MYO5B: variants seen among roughly 807,000 people sequenced by gnomAD.
The protein encoded by MYO5B is unconventional myosin-Vb.
MYO5B carries 143 observed loss-of-function variants against 229.3 expected under a neutral mutation model. The ratio of observed to expected loss-of-function variants is 0.62; its 90% CI spans 0.54 to 0.72. The LOEUF (loss-of-function observed/expected upper bound fraction) is 0.72, where lower values mean the gene tolerates loss of function less well. Ranked by LOEUF, MYO5B falls within the 30% of genes least tolerant of loss-of-function variation. The probability of loss-of-function intolerance (pLI) is 0.00; values close to 1 mark genes in which losing one functional copy is unlikely to be tolerated. For missense variants in MYO5B, 2,321 were observed against 2,331.0 expected (o/e 1.00, Z 0.09); for synonymous variants, 918 against 885.2 (o/e 1.04, Z -0.66).
Position 49,980,470 on chromosome 18 carries a change from G to A in MYO5B, c.1030C>T (p.Arg344Cys), listed in dbSNP as rs777672829. 41 of 1,612,950 alleles carry A rather than the reference G, an allele frequency of 2.5e-5. No individual in the cohort carries two copies. The highest frequency in any genetic ancestry group is 3.3e-5 in the Non-Finnish European group (39 of 1,179,206). The change falls in exon 9 of 40, where the codon CGT (arginine) becomes TGT (cysteine). Residue 344 changes from arginine (R) to cysteine (C), a missense_variant. By Grantham distance (180) the Arg-to-Cys change is radical. Coordinates refer to ENST00000285039, the MANE Select transcript of MYO5B (RefSeq NM_001080467.3). ...HLGSVAIQAERDGDSCSISPQ... is the reference protein window; with the variant it reads ...HLGSVAIQAECDGDSCSISPQ... The stretch of plus-strand genomic sequence containing the variant: ...GATATACTACAGGAATCACCATCAC[G>A]CTCAGCCTGAATCGCCACACTTCCA...
chr18:49,988,040 G>T (rs987628982), intron 7 of MYO5B, among the ~76,000 whole-genome samples: 11 of 152,188 alleles, frequency 7.2e-5, no homozygotes, highest in African/African-American at 2.7e-4. Context: ...CAACAATGGG[G>T]CAGAAGAGTG....
chr18:49,866,636 T>C (rs1422357693), intron 27 of MYO5B, among the ~76,000 whole-genome samples: 1 of 152,230 alleles, frequency 6.6e-6, no homozygotes, highest in Non-Finnish European at 1.5e-5. Context: ...CCAAATGCTA[T>C]GCCATTCCAG....
intron 2 of MYO5B, among the ~76,000 whole-genome samples, chr18:50,054,039 G>C (rs2030476475): frequency 6.6e-6 from 1 of 152,120 alleles, no homozygotes; most frequent in African/African-American, 2.4e-5. Context: ...AACTACCTCT[G>C]CCTGCATCCT....
chr18:49,983,442 C>T (rs969404718), intron 8 of MYO5B, among the ~76,000 whole-genome samples: 5 of 152,206 alleles, frequency 3.3e-5, no homozygotes, highest in Non-Finnish European at 5.9e-5. Context: ...TTGTACAAAA[C>T]AGCTCTGGCC....
At chr18:49,924,316 C>G (rs577562529) in intron 17 of MYO5B, among the ~76,000 whole-genome samples, 12 of 152,310 alleles carry the variant, frequency 7.9e-5, no homozygotes, top group African/African-American at 2.9e-4. Context: ...GCTGAGAACT[C>G]TAGATACATT....
chr18:50,093,818 C>T (rs2144492128), intron 1 of MYO5B, among the ~76,000 whole-genome samples: 1 of 152,128 alleles, frequency 6.6e-6, no homozygotes, highest in African/African-American at 2.4e-5. Context: ...AGTGCCATGA[C>T]AATTTACAAA....
chr18:50,098,454 G>A (rs903509950), intron 1 of MYO5B, among the ~76,000 whole-genome samples: 2 of 152,102 alleles, frequency 1.3e-5, no homozygotes, highest in African/African-American at 4.8e-5. Flanking sequence ...ATATCTACTG[G>A]TTACTAGGCT....
intron 4 of MYO5B, among the ~76,000 whole-genome samples, chr18:50,009,306 A>T (rs2026137020): frequency 6.6e-6 from 1 of 152,160 alleles, no homozygotes; most frequent in Non-Finnish European, 1.5e-5. Context: ...TGAGCCCGGG[A>T]GGCGGAGGTT....
Position 50,120,976 on chromosome 18 carries a change from C to G in MYO5B, c.28-65598G>C, listed in dbSNP as rs533918974. Among the ~76,000 whole-genome samples, 7 of 152,316 alleles carry G rather than the reference C, an allele frequency of 4.6e-5. No homozygotes were observed. The South Asian group carries it at 1.5e-3, about 32-fold the overall frequency. On this transcript the variant is annotated intron_variant, in intron 1 of 39. Coordinates refer to ENST00000285039, the MANE Select transcript of MYO5B (RefSeq NM_001080467.3). ...CTTCTATCCACCTCCAGCCTGCCCT[C>G]CAGCCCGGGAGTCAGCAAGACCAGC...
At chr18:50,164,570 A>G (rs1163802335) in intron 1 of MYO5B, among the ~76,000 whole-genome samples, 1 of 116,902 alleles carries the variant, frequency 8.6e-6, no homozygotes, top group Non-Finnish European at 1.8e-5. Flanking sequence ...ATTTAATTAA[A>G]AAGAAATTTT....
intron 32 of MYO5B, among the ~76,000 whole-genome samples, chr18:49,849,235 T>C (rs531534786): frequency 2.0e-5 from 3 of 152,288 alleles, no homozygotes; most frequent in African/African-American, 7.2e-5. Context: ...CACAGCATTC[T>C]TTCACATCAA....
At chr18:49,962,146 T>A in intron 12 of MYO5B, 120 bp downstream of exon 12, 1 of 1,342,568 alleles carries the variant, frequency 7.4e-7, no homozygotes, top group Non-Finnish European at 1.1e-6. Flanking sequence ...TGCCAACGCT[T>A]CTTCCAGCAC....
chr18:49,906,336 A>T, intron 19 of MYO5B, 83 bp downstream of exon 19: 1 of 1,373,120 alleles, frequency 7.3e-7, no homozygotes, highest in African/African-American at 1.4e-5. Flanking sequence ...ACAGAGGAAG[A>T]GAGAAGCCAA....
chr18:49,915,374 C>T (rs1006943090), intron 17 of MYO5B, among the ~76,000 whole-genome samples: 9 of 152,188 alleles, frequency 5.9e-5, no homozygotes, highest in Non-Finnish European at 1.0e-4. Context: ...CCATGTGTCA[C>T]GCACGTAGTG....
At chr18:49,957,965 TA>T (rs2025515221) in intron 12 of MYO5B, among the ~76,000 whole-genome samples, 1 of 152,140 alleles carries the variant, frequency 6.6e-6, no homozygotes. Context: ...CACTGCTCTC[TA>T]GAATGGAGGC....
Position 49,826,607 on chromosome 18 carries a change from C to G in MYO5B, c.5411G>C (p.Arg1804Pro), listed in dbSNP as rs201080553. The G allele has an allele frequency of 2.4e-5, 39 of 1,613,334 alleles. No homozygotes were observed. The highest frequency in any genetic ancestry group is 3.3e-5 in the Non-Finnish European group (39 of 1,179,868). Residue 1804 changes from arginine to proline, a missense_variant, in exon 40 of 40, where the codon CGG (arginine) becomes CCG (proline). Coordinates refer to ENST00000285039, the MANE Select transcript of MYO5B (RefSeq NM_001080467.3). ...TAATAGCAGTTGCTGAGGGTCATTC[C>G]GCTCTTGTAGTTGTGCCTATGGGGA... ...IRTIQAQLQE[R>P]NDPQQLLLDA...
chr18:49,944,670 C>A (rs1181117525), intron 14 of MYO5B, among the ~76,000 whole-genome samples: 3 of 151,990 alleles, frequency 2.0e-5, no homozygotes, highest in East Asian at 3.9e-4. Flanking sequence ...TTAAGTCACT[C>A]CCTGACCTGG....
rs186788814 is a variant in MYO5B, at chr18:50,113,661, T to G, written c.28-58283A>C. On this transcript the variant is annotated intron_variant, in intron 1 of 39. Coordinates refer to ENST00000285039, the MANE Select transcript of MYO5B (RefSeq NM_001080467.3). ...GCATCAACTACACAAAGATAGGTAC[T>G]GTGGGGCCCTGAAGGGTTGAAGTTA... is the stretch of plus-strand genomic sequence containing the variant. Among the ~76,000 whole-genome samples, 72 of 152,336 alleles carry G rather than the reference T, an allele frequency of 4.7e-4. 1 individual carries two copies. Among genetic ancestry groups the G allele is most frequent in the Admixed American group, 3.3e-3 (51 of 15,308 alleles).
At chr18:50,082,302 A>G (rs16951480) in intron 1 of MYO5B, among the ~76,000 whole-genome samples, 14,672 of 152,262 alleles carry the variant, frequency 0.096, 1,321 homozygotes, top group African/African-American at 0.24. Flanking sequence ...GCCTTATACT[A>G]TGAATATTAT....
Sources: gnomAD v4.1 joint callset for allele counts (sites outside exome capture counted in the v4.1 genomes callset) on GRCh38, gnomAD v4.1.1 for gene constraint, MANE v1.5 for transcripts, NCBI Gene and HGNC (gene_info 2026-07-23, HGNC 2026-07-21) for gene names.